The following ZNF536 variants were observed in gnomAD, a reference collection of about 807,000 sequenced individuals.
The protein encoded by ZNF536 is zinc finger protein 536.
In ZNF536, 13 loss-of-function variants were observed where a neutral mutation model predicts 84.5. The observed-to-expected ratio is 0.15, with a 90% CI of 0.10 to 0.24. The LOEUF (loss-of-function observed/expected upper bound fraction) is 0.24, where lower values mean the gene tolerates loss of function less well. Ranked by LOEUF, ZNF536 falls within the 10% of genes least tolerant of loss-of-function variation. The pLI is 1.00. For synonymous variants in ZNF536, 811 were observed against 742.5 expected, an observed-to-expected ratio of 1.09 and a Z score of -1.50; for missense variants, 1,536 against 1,747.5, an observed-to-expected ratio of 0.88 and a Z score of 2.16.
intron 1 of ZNF536, among the ~76,000 whole-genome samples, chr19:30,698,295 A>T (rs2051749516): frequency 6.6e-6 from 1 of 152,104 alleles, no homozygotes; most frequent in African/African-American, 2.4e-5. Flanking sequence ...CAGTCTCAAA[A>T]AAAAAAAAAA....
At chr19:30,408,321 C>G (rs967248728) in intron 1 of ZNF536, among the ~76,000 whole-genome samples, 1 of 152,162 alleles carries the variant, frequency 6.6e-6, no homozygotes, top group Non-Finnish European at 1.5e-5. Flanking sequence ...TGTCTGCTCA[C>G]GGGTGTTAAG....
At chr19:30,693,882 C>T (rs951388028) in intron 1 of ZNF536, among the ~76,000 whole-genome samples, 95 of 152,260 alleles carry the variant, frequency 6.2e-4, no homozygotes, top group African/African-American at 2.1e-3. Flanking sequence ...TTCTTTCTCA[C>T]ACATAAACTC....
intron 3 of ZNF536, among the ~76,000 whole-genome samples, chr19:30,359,496 A>C (rs1260727203): frequency 1.3e-5 from 2 of 152,164 alleles, no homozygotes; most frequent in African/African-American, 4.8e-5. Context: ...GCCGTTGCTC[A>C]GATGTGGGCA....
At chr19:30,626,207 C>T (rs1288661212) in intron 1 of ZNF536, among the ~76,000 whole-genome samples, 1 of 152,272 alleles carries the variant, frequency 6.6e-6, no homozygotes, top group African/African-American at 2.4e-5. Context: ...AAGAATTATG[C>T]GTGTCTGACC....
intron 2 of ZNF536, among the ~76,000 whole-genome samples, chr19:30,286,183 T>C (rs1349781272): frequency 6.6e-6 from 1 of 152,178 alleles, no homozygotes; most frequent in Non-Finnish European, 1.5e-5. Flanking sequence ...ACATTCCACC[T>C]TTTCAAAGGG....
At chr19:30,662,522 A>C (rs916622613) in intron 1 of ZNF536, among the ~76,000 whole-genome samples, 1 of 151,988 alleles carries the variant, frequency 6.6e-6, no homozygotes, top group Non-Finnish European at 1.5e-5. Context: ...TGTGGACTGC[A>C]GTCTCTCCCG....
chr19:30,550,545 G>A (rs1056005852), intron 4 of ZNF536, among the ~76,000 whole-genome samples: 1 of 151,892 alleles, frequency 6.6e-6, no homozygotes, highest in African/African-American at 2.4e-5. Context: ...TACTTCACCT[G>A]TGGAAGGAAG....
intron 1 of ZNF536, among the ~76,000 whole-genome samples, chr19:30,442,465 T>C (rs1369043189): frequency 6.6e-6 from 1 of 152,252 alleles, no homozygotes; most frequent in Non-Finnish European, 1.5e-5. Context: ...CACTCAAACT[T>C]GGTTGAGACT....
At chr19:30,667,771 A>G (rs553762636) in intron 1 of ZNF536, among the ~76,000 whole-genome samples, 5 of 152,118 alleles carry the variant, frequency 3.3e-5, no homozygotes, top group Admixed American at 3.3e-4. Context: ...CAGCCTATTT[A>G]CTACAGTACT....
At chr19:30,689,844 G>C (rs1037073580) in intron 1 of ZNF536, among the ~76,000 whole-genome samples, 1 of 152,218 alleles carries the variant, frequency 6.6e-6, no homozygotes, top group Admixed American at 6.5e-5. Flanking sequence ...AGGTACACAG[G>C]CTTGTTCCTG....
intron 1 of ZNF536, among the ~76,000 whole-genome samples, chr19:30,268,581 G>A (rs556643037): frequency 6.6e-6 from 1 of 152,216 alleles, no homozygotes; most frequent in East Asian, 1.9e-4. Flanking sequence ...CTGAACAAAT[G>A]GACGATCTAT....
chr19:30,549,018 G>A lies in ZNF536; in HGVS notation c.3399G>A (p.Lys1133=), dbSNP rs2146232608. The A allele has an allele frequency of 6.2e-7, 1 of 1,614,150 alleles. No homozygotes were observed. Among genetic ancestry groups the A allele is most frequent in the African/African-American group, 1.3e-5 (1 of 75,026 alleles). The change falls in exon 4 of 5, where the codon AAG becomes AAA. Residue 1133 remains lysine, a synonymous_variant. Coordinates refer to ENST00000355537, the MANE Select transcript of ZNF536 (RefSeq NM_014717.3). The stretch of plus-strand genomic sequence containing the variant: ...GGGCCTCCAGTTCCTGCCCCAACAA[G>A]GAGCCTGATGGAAAGGCCCACTCTG... The part of the protein sequence containing the change: ...GSGASSSCPN[K]EPDGKAHSEE...
At chr19:30,257,290 T>A (rs1234590048) in intron 1 of ZNF536, among the ~76,000 whole-genome samples, 1 of 152,232 alleles carries the variant, frequency 6.6e-6, no homozygotes, top group Non-Finnish European at 1.5e-5. Flanking sequence ...GACTTTAATG[T>A]TGAGCACTGC....
intron 1 of ZNF536, among the ~76,000 whole-genome samples, chr19:30,630,889 A>C (rs1359577027): frequency 1.3e-5 from 2 of 152,234 alleles, no homozygotes; most frequent in Non-Finnish European, 2.9e-5. Context: ...TGGATCAGAT[A>C]ACAGATGCAG....
chr19:30,439,798 A>G (rs1170429249), intron 1 of ZNF536, among the ~76,000 whole-genome samples: 3 of 152,026 alleles, frequency 2.0e-5, no homozygotes, highest in Non-Finnish European at 4.4e-5. Flanking sequence ...GTTAAGTTCT[A>G]AAGGGAACCA....
chr19:30,586,871 T>A (rs11672869), intron 1 of ZNF536, among the ~76,000 whole-genome samples: 3,085 of 152,288 alleles, frequency 0.02, 29 homozygotes, highest in Non-Finnish European at 0.029. Context: ...ACTCTACAAC[T>A]GAAACTCATT....
At chr19:30,601,609 C>T (rs726645) in intron 1 of ZNF536, among the ~76,000 whole-genome samples, 52,117 of 151,972 alleles carry the variant, frequency 0.34, 9,404 homozygotes, top group East Asian at 0.6. Flanking sequence ...GCCCCTGACT[C>T]CCACAGGTGC....
At chr19:30,491,890 T>C (rs1166778808) in intron 2 of ZNF536, among the ~76,000 whole-genome samples, 1 of 152,052 alleles carries the variant, frequency 6.6e-6, no homozygotes, top group Non-Finnish European at 1.5e-5. Context: ...CCTGATAAAA[T>C]CCCGTTAGCC....
At chr19:30,700,466 C>A (rs2051893045) in intron 1 of ZNF536, among the ~76,000 whole-genome samples, 1 of 151,996 alleles carries the variant, frequency 6.6e-6, no homozygotes, top group Admixed American at 6.6e-5. Context: ...CCACTCACTG[C>A]AATCTCCAAC....
Sources: gnomAD v4.1 joint callset for allele counts (sites outside exome capture counted in the v4.1 genomes callset) on GRCh38, gnomAD v4.1.1 for gene constraint, MANE v1.5 for transcripts, NCBI Gene and HGNC (gene_info 2026-07-23, HGNC 2026-07-21) for gene names.